The following GRB2 variants were observed in gnomAD, a reference collection of about 807,000 sequenced individuals.
GRB2 encodes growth factor receptor bound protein 2, also known as growth factor receptor-bound protein 2.
A neutral mutation model predicts 27.4 loss-of-function variants in GRB2; 2 were observed. The observed-to-expected ratio is 0.07, with a 90% CI of 0.03 to 0.23. GRB2 has a LOEUF of 0.23. Ranked by LOEUF, GRB2 falls within the 10% of genes least tolerant of loss-of-function variation. The pLI, the probability that GRB2 is intolerant of heterozygous loss-of-function variation, is 1.00. For synonymous variants in GRB2, 94 were observed against 99.6 expected (o/e 0.94, Z 0.33); for missense variants, 102 against 282.4 (o/e 0.36, Z 4.58).
intron 2 of GRB2, among the ~76,000 whole-genome samples, chr17:75,362,395 G>C (rs2078789037): frequency 6.6e-6 from 1 of 152,012 alleles, no homozygotes; most frequent in Non-Finnish European, 1.5e-5. Flanking sequence ...CACCCTCCAA[G>C]AACCAAATTT....
intron 2 of GRB2, among the ~76,000 whole-genome samples, chr17:75,391,177 A>G (rs2078996062): frequency 6.6e-6 from 1 of 152,158 alleles, no homozygotes; most frequent in South Asian, 2.1e-4. Flanking sequence ...CATTACCAAC[A>G]AACAGCTAAT....
In GRB2 at chr17:75,321,858, C is replaced by T. The variant is rs201494769; in HGVS notation, c.300-31G>A. 1.3e-4 allele frequency: 203 copies of T among 1,607,776 alleles called. 1 individual carries two copies. In the African/African-American group the frequency reaches 2.5e-3, roughly 20 times the overall value. ...AGGGACAGAAAGCACATGTGACCGG[C>T]TAAAGGCTCTAACTTGGCAAATCGA... On this transcript the variant is annotated intron_variant, in intron 4 of 5. Transcript: ENST00000316804.
At chr17:75,336,492 T>C (rs2078577812) in intron 2 of GRB2, among the ~76,000 whole-genome samples, 1 of 152,152 alleles carries the variant, frequency 6.6e-6, no homozygotes, top group Non-Finnish European at 1.5e-5. Flanking sequence ...CAGAAAAAGA[T>C]AACTCTATTT....
chr17:75,369,772 ATTGC>A (rs2078843919), intron 2 of GRB2, among the ~76,000 whole-genome samples: 1 of 151,540 alleles, frequency 6.6e-6, no homozygotes, highest in Admixed American at 6.6e-5. Flanking sequence ...AGACAGGATA[ATTGC>A]TTGAACCAGA....
chr17:75,362,814 C>G (rs898914985), intron 2 of GRB2, among the ~76,000 whole-genome samples: 12 of 152,212 alleles, frequency 7.9e-5, no homozygotes, highest in Admixed American at 3.9e-4. Flanking sequence ...AAGGGCAGAA[C>G]AGCCCCCCAC....
chr17:75,340,999 T>A (rs2078616997), intron 2 of GRB2, among the ~76,000 whole-genome samples: 1 of 152,130 alleles, frequency 6.6e-6, no homozygotes, highest in South Asian at 2.1e-4. Context: ...TCAGTCTCCA[T>A]TTGGAATGAC....
intron 2 of GRB2, among the ~76,000 whole-genome samples, chr17:75,341,633 A>C: frequency 6.6e-6 from 1 of 152,066 alleles, no homozygotes; most frequent in South Asian, 2.1e-4. Context: ...CAAAGTCCCC[A>C]AACTCCAACT....
chr17:75,358,647 G>A (rs1478421232), intron 2 of GRB2, among the ~76,000 whole-genome samples: 10 of 127,078 alleles, frequency 7.9e-5, no homozygotes, highest in Non-Finnish European at 1.1e-4. Flanking sequence ...GGCGGATCAC[G>A]AGGTCAGGAG....
chr17:75,383,815 G>A (rs1409665708), intron 2 of GRB2, among the ~76,000 whole-genome samples: 1 of 152,090 alleles, frequency 6.6e-6, no homozygotes, highest in African/African-American at 2.4e-5. Flanking sequence ...ACACTACACT[G>A]CACTACAGCC....
intron 2 of GRB2, among the ~76,000 whole-genome samples, chr17:75,357,278 T>C (rs2078739529): frequency 6.6e-6 from 1 of 152,204 alleles, no homozygotes; most frequent in Non-Finnish European, 1.5e-5. Context: ...AGAGATATGA[T>C]GACTAGGTAT....
intron 2 of GRB2, among the ~76,000 whole-genome samples, chr17:75,334,788 G>A (rs1344630514): frequency 2.6e-5 from 4 of 152,042 alleles, no homozygotes; most frequent in Non-Finnish European, 4.4e-5. Flanking sequence ...TTTAAAAAGT[G>A]TAAAAGAAAA....
intron 2 of GRB2, among the ~76,000 whole-genome samples, chr17:75,391,398 G>A (rs1171468332): frequency 6.6e-6 from 1 of 152,136 alleles, no homozygotes; most frequent in Non-Finnish European, 1.5e-5. Context: ...TGGGAAAGAA[G>A]GTTTTTACAC....
chr17:75,395,100 T>C (rs2079021680), intron 1 of GRB2: 1 of 152,248 alleles, frequency 6.6e-6, no homozygotes, highest in Non-Finnish European at 1.5e-5. Context: ...AAGTGATTAT[T>C]ATTCCTTTGT....
chr17:75,374,790 T>C (rs1010980660), intron 2 of GRB2, among the ~76,000 whole-genome samples: 1 of 151,920 alleles, frequency 6.6e-6, no homozygotes, highest in Non-Finnish European at 1.5e-5. Flanking sequence ...AGACTCTGTC[T>C]CAAGAAAAGA....
At chr17:75,398,717 T>C (rs1056749785) in intron 1 of GRB2, among the ~76,000 whole-genome samples, 11 of 152,220 alleles carry the variant, frequency 7.2e-5, no homozygotes, top group African/African-American at 2.4e-4. Context: ...TTTTGGTGAG[T>C]TCTTTGGTAA....
At chr17:75,395,280 G>A (rs555498800) in intron 1 of GRB2, among the ~76,000 whole-genome samples, 97 of 152,242 alleles carry the variant, frequency 6.4e-4, no homozygotes, top group African/African-American at 2.2e-3. Context: ...TCTGCTGCAG[G>A]TAACTAATAA....
At chr17:75,352,399 T>C (rs965318271) in intron 2 of GRB2, among the ~76,000 whole-genome samples, 3 of 152,238 alleles carry the variant, frequency 2.0e-5, no homozygotes, top group African/African-American at 7.2e-5. Flanking sequence ...TGATAGGATG[T>C]ATTAACGCAA....
chr17:75,353,410 C>T (rs941292118), intron 2 of GRB2, among the ~76,000 whole-genome samples: 4 of 151,998 alleles, frequency 2.6e-5, no homozygotes, highest in Non-Finnish European at 5.9e-5. Flanking sequence ...CAAGGGTCAA[C>T]TGTACTTCCT....
At chr17:75,348,352 G>T (rs926849594) in intron 2 of GRB2, among the ~76,000 whole-genome samples, 2 of 152,042 alleles carry the variant, frequency 1.3e-5, no homozygotes, top group African/African-American at 2.4e-5. Context: ...GCCCTATTCT[G>T]TTTACTATTA....
Sources: gnomAD v4.1 joint callset for allele counts (sites outside exome capture counted in the v4.1 genomes callset) on GRCh38, gnomAD v4.1.1 for gene constraint, MANE v1.5 for transcripts, NCBI Gene and HGNC (gene_info 2026-07-23, HGNC 2026-07-21) for gene names.